FSTL5: variants seen among roughly 807,000 people sequenced by gnomAD.
The protein encoded by FSTL5 is follistatin like 5, also known as follistatin-related protein 5.
FSTL5 carries 62 observed loss-of-function variants against 89.1 expected under a neutral mutation model. The observed-to-expected ratio is 0.70, with a 90% CI of 0.57 to 0.86. The LOEUF is 0.86. Ranked by LOEUF, FSTL5 falls within the 40% of genes least tolerant of loss-of-function variation. The pLI is 0.00. For synonymous variants in FSTL5, 383 were observed against 346.2 expected, an observed-to-expected ratio of 1.11 and a Z score of -1.18; for missense variants, 1,057 against 1,001.6, an observed-to-expected ratio of 1.06 and a Z score of -0.75.
At chr4:161,679,262 A>G (rs1251529789) in intron 6 of FSTL5, among the ~76,000 whole-genome samples, 1 of 151,814 alleles carries the variant, frequency 6.6e-6, no homozygotes, top group African/African-American at 2.4e-5. Flanking sequence ...TTGAAACATA[A>G]TGTTCACAAA....
At chr4:162,046,468 G>A (rs1454920080) in intron 2 of FSTL5, among the ~76,000 whole-genome samples, 5 of 152,102 alleles carry the variant, frequency 3.3e-5, no homozygotes, top group African/African-American at 4.8e-5. Context: ...TCTTTTGGGA[G>A]AAACTGTGGA....
chr4:162,132,993 A>AG (rs1263064294), intron 1 of FSTL5, among the ~76,000 whole-genome samples: 2 of 152,072 alleles, frequency 1.3e-5, no homozygotes, highest in Non-Finnish European at 2.9e-5. Context: ...CCCAGGCTGG[A>AG]GTGCAGTGGC....
chr4:161,760,782 T>C (rs1740765446), intron 5 of FSTL5, among the ~76,000 whole-genome samples: 1 of 152,226 alleles, frequency 6.6e-6, no homozygotes, highest in African/African-American at 2.4e-5. Flanking sequence ...TCTTGGACTT[T>C]CTTTAGTACA....
intron 10 of FSTL5, among the ~76,000 whole-genome samples, chr4:161,511,071 GA>G (rs773968603): frequency 2.0e-5 from 3 of 152,024 alleles, no homozygotes; most frequent in Non-Finnish European, 2.9e-5. Flanking sequence ...AATATATTAA[GA>G]TAGAAATTAA....
intron 6 of FSTL5, among the ~76,000 whole-genome samples, chr4:161,744,694 T>G (rs1740134168): frequency 6.6e-6 from 1 of 152,222 alleles, no homozygotes; most frequent in Middle Eastern, 3.4e-3. Flanking sequence ...CCTGAAATCA[T>G]GTCTCAGCTA....
At chr4:161,944,752 TA>T (rs1734689980) in intron 3 of FSTL5, among the ~76,000 whole-genome samples, 1 of 151,898 alleles carries the variant, frequency 6.6e-6, no homozygotes, top group Non-Finnish European at 1.5e-5. Context: ...GACAATGGTG[TA>T]ATTTTTGATA....
At position 161,759,470 on chromosome 4, in the gene FSTL5, T is replaced by C. The variant is rs777530688; in HGVS notation, c.668A>G (p.Lys223Arg). 17 of 1,598,134 alleles carry C rather than the reference T, an allele frequency of 1.1e-5. 2 individuals are homozygous for C. The South Asian group carries it at 1.8e-4, about 17-fold the overall frequency. ...CTTGTCAGCATTAAAATCATCATAT[T>C]TCAATAGAACATACAAAGTACAATC... is the stretch of plus-strand genomic sequence containing the variant. ...LFDCTLYVLLKYDDFNADKHL... is the reference protein window; with the variant it reads ...LFDCTLYVLLRYDDFNADKHL... The change falls in exon 6 of 16, where the codon AAA (lysine) becomes AGA (arginine). Residue 223 changes from lysine to arginine, a missense_variant. This residue lies in a region of FSTL5 where 980 missense variants were observed against 903.2 expected (regional missense o/e 1.08). Coordinates refer to ENST00000306100, the MANE Select transcript of FSTL5 (RefSeq NM_020116.5).
At chr4:162,007,896 A>T (rs1736656320) in intron 3 of FSTL5, among the ~76,000 whole-genome samples, 1 of 151,844 alleles carries the variant, frequency 6.6e-6, no homozygotes, top group Non-Finnish European at 1.5e-5. Context: ...AAACTGGTCA[A>T]ACTAAACTAG....
At chr4:161,829,419 A>G (rs1730773477) in intron 4 of FSTL5, among the ~76,000 whole-genome samples, 1 of 151,754 alleles carries the variant, frequency 6.6e-6, no homozygotes, top group Non-Finnish European at 1.5e-5. Context: ...AAATAAAAAA[A>G]TAAACCACTG....
chr4:161,961,524 AATAT>A (rs10601527), intron 3 of FSTL5, among the ~76,000 whole-genome samples: 59 of 144,426 alleles, frequency 4.1e-4, no homozygotes, highest in South Asian at 6.4e-4. Context: ...ACTCTAGAAA[AATAT>A]ATATATATAT....
intron 2 of FSTL5, among the ~76,000 whole-genome samples, chr4:162,049,066 T>A (rs944897709): frequency 6.6e-6 from 1 of 152,168 alleles, no homozygotes; most frequent in Non-Finnish European, 1.5e-5. Flanking sequence ...GGGGAATATA[T>A]ATATATGAGT....
At chr4:161,834,896 C>G (rs1303989681) in intron 4 of FSTL5, among the ~76,000 whole-genome samples, 2 of 151,238 alleles carry the variant, frequency 1.3e-5, no homozygotes, top group Non-Finnish European at 2.9e-5. Flanking sequence ...TTTATAGATT[C>G]AATGCCATCC....
At chr4:162,083,787 T>C (rs898814541) in intron 2 of FSTL5, among the ~76,000 whole-genome samples, 20 of 151,804 alleles carry the variant, frequency 1.3e-4, no homozygotes, top group African/African-American at 4.6e-4. Flanking sequence ...AGGAGAGCTA[T>C]GAAACATTAC....
At chr4:161,430,280 G>A (rs1209354075) in intron 15 of FSTL5, among the ~76,000 whole-genome samples, 3 of 152,006 alleles carry the variant, frequency 2.0e-5, no homozygotes, top group Non-Finnish European at 4.4e-5. Context: ...AAGAGTTATT[G>A]GCATTAAAGA....
chr4:161,489,663 G>A (rs769832588), intron 12 of FSTL5, among the ~76,000 whole-genome samples: 1 of 151,864 alleles, frequency 6.6e-6, no homozygotes, highest in Non-Finnish European at 1.5e-5. Flanking sequence ...TGGTTAGTGA[G>A]GGAAAAAAAT....
intron 6 of FSTL5, among the ~76,000 whole-genome samples, chr4:161,727,905 A>G (rs1739474924): frequency 6.6e-6 from 1 of 152,126 alleles, no homozygotes; most frequent in Non-Finnish European, 1.5e-5. Context: ...CATGGATTCA[A>G]ACAAAACATG....
Position 162,043,755 on chromosome 4 carries a change from C to T in FSTL5, c.127-10097G>A, listed in dbSNP as rs539181467. Among the ~76,000 whole-genome samples, 91 of 152,208 alleles carry T rather than the reference C, an allele frequency of 6.0e-4. 1 individual carries two copies. Among genetic ancestry groups the T allele is most frequent in the Middle Eastern group, 6.8e-3 (2 of 294 alleles). On this transcript the variant is annotated intron_variant, in intron 2 of 15. Transcript: ENST00000306100. Reference sequence around the variant, plus strand: ...ACTACGTTTATGTAATATTCTAAACCCTTTGTTGTCATTTCAACAACGTTG... The same window carrying T: ...ACTACGTTTATGTAATATTCTAAACTCTTTGTTGTCATTTCAACAACGTTG...
intron 3 of FSTL5, among the ~76,000 whole-genome samples, chr4:161,936,285 G>A (rs563126508): frequency 5.3e-5 from 8 of 152,280 alleles, no homozygotes; most frequent in Admixed American, 4.6e-4. Context: ...ATCTAAGTGT[G>A]TGTATGTATG....
chr4:161,824,136 T>C (rs1035075132), intron 4 of FSTL5, among the ~76,000 whole-genome samples: 1 of 152,230 alleles, frequency 6.6e-6, no homozygotes, highest in Non-Finnish European at 1.5e-5. Flanking sequence ...AGAATTTTTA[T>C]GGTTTCAGGT....
Sources: gnomAD v4.1 joint callset for allele counts (sites outside exome capture counted in the v4.1 genomes callset) on GRCh38, gnomAD v4.1.1 for gene constraint, gnomAD v4.1.1 regional missense constraint, MANE v1.5 for transcripts, NCBI Gene and HGNC (gene_info 2026-07-23, HGNC 2026-07-21) for gene names.